Variants in TCERG1L observed in about 807,000 individuals in gnomAD.
TCERG1L encodes the protein transcription elongation regulator 1 like, also known as transcription elongation regulator 1-like protein.
TCERG1L carries 37 observed loss-of-function variants against 56.3 expected under a neutral mutation model. The observed-to-expected ratio is 0.66, with a 90% CI of 0.51 to 0.87. TCERG1L has a LOEUF of 0.87. Among genes scored for constraint, TCERG1L ranks in the 40% least tolerant of loss-of-function variants. The pLI is 0.00. For missense variants in TCERG1L, 799 were observed against 774.2 expected (o/e 1.03, Z -0.38); for synonymous variants, 324 against 326.3 (o/e 0.99, Z 0.08).
At chr10:131,253,139 A>C (rs943249607) in intron 4 of TCERG1L, among the ~76,000 whole-genome samples, 1 of 152,186 alleles carries the variant, frequency 6.6e-6, no homozygotes, top group Non-Finnish European at 1.5e-5. Flanking sequence ...ACCCAGCTGA[A>C]GTTAGCCAGT....
intron 3 of TCERG1L, among the ~76,000 whole-genome samples, chr10:131,293,068 C>G (rs773614300): frequency 6.6e-6 from 1 of 152,156 alleles, no homozygotes; most frequent in Non-Finnish European, 1.5e-5. Flanking sequence ...CCAGGCTGGT[C>G]TCAAACTCCT....
At chr10:131,117,002 T>C in intron 8 of TCERG1L, 68 bp from the exon 9 acceptor site, 1 of 1,525,056 alleles carries the variant, frequency 6.6e-7, no homozygotes, top group Non-Finnish European at 8.8e-7. Flanking sequence ...TTGCAACCTT[T>C]ACAAACCCTC....
chr10:131,162,700 T>G (rs1645586217), intron 6 of TCERG1L: 2 of 157,772 alleles, frequency 1.3e-5, no homozygotes, highest in African/African-American at 2.4e-5. Context: ...GTGTCTGGAG[T>G]GTGGCATATT....
chr10:131,309,196 G>C lies in TCERG1L; in HGVS notation c.446C>G (p.Pro149Arg), dbSNP rs200664174. The change falls in exon 2 of 12, where the codon CCT becomes CGT. Residue 149 changes from proline (P) to arginine (R), a missense_variant. Pro to Arg is a moderately radical substitution (Grantham distance 103). Coordinates refer to ENST00000368642, the MANE Select transcript of TCERG1L (RefSeq NM_174937.4). ...PHLCPSALAT[P>R]IGKSWIDKRI... ...TTTGTCTATCCAACTTTTCCCAATA[G>C]GGGTTGCAAGAGCAGAAGGGCAGAG... 9.3e-6 allele frequency: 15 copies of C among 1,610,792 alleles called. No homozygotes were observed. The East Asian group carries it at 3.4e-4, about 36-fold the overall frequency.
chr10:131,243,901 T>C (rs750089975), intron 4 of TCERG1L, among the ~76,000 whole-genome samples: 3 of 152,180 alleles, frequency 2.0e-5, no homozygotes, highest in African/African-American at 4.8e-5. Context: ...CCAGCTCAAA[T>C]TGGAGATTCA....
chr10:131,303,571 G>A (rs35405395), intron 3 of TCERG1L, among the ~76,000 whole-genome samples: 12,104 of 151,958 alleles, frequency 0.08, 635 homozygotes, highest in South Asian at 0.22. Context: ...TTCCATTCAC[G>A]AAATCTGTGT....
At chr10:131,197,495 A>C (rs976212626) in intron 4 of TCERG1L, among the ~76,000 whole-genome samples, 5 of 150,728 alleles carry the variant, frequency 3.3e-5, no homozygotes, top group Non-Finnish European at 5.9e-5. Flanking sequence ...TTTCTCCTCC[A>C]TTTTTTTTTC....
intron 3 of TCERG1L, among the ~76,000 whole-genome samples, chr10:131,293,488 C>G (rs1589775476): frequency 6.6e-6 from 1 of 152,064 alleles, no homozygotes; most frequent in East Asian, 1.9e-4. Flanking sequence ...CCTCCCCGAC[C>G]AGAGACATGC....
chr10:131,112,807 C>T (rs1195891311), intron 9 of TCERG1L, among the ~76,000 whole-genome samples: 2 of 142,500 alleles, frequency 1.4e-5, no homozygotes, highest in African/African-American at 4.9e-5. Context: ...GAGGGTGGGC[C>T]GTGGGGTGAG....
chr10:131,191,558 T>C (rs1183630271), intron 4 of TCERG1L, among the ~76,000 whole-genome samples: 5 of 143,130 alleles, frequency 3.5e-5, no homozygotes, highest in Non-Finnish European at 6.1e-5. Flanking sequence ...TGGAACAGAA[T>C]AGACAACTCA....
At chr10:131,170,001 A>C (rs1564806578) in intron 4 of TCERG1L, among the ~76,000 whole-genome samples, 1 of 152,122 alleles carries the variant, frequency 6.6e-6, no homozygotes, top group Non-Finnish European at 1.5e-5. Flanking sequence ...GTTCCTCATG[A>C]GTGCTTCTTA....
chr10:131,282,558 T>A (rs74233338), intron 3 of TCERG1L, among the ~76,000 whole-genome samples: 11,266 of 152,222 alleles, frequency 0.074, 522 homozygotes, highest in African/African-American at 0.12. Context: ...CAAGTTAATA[T>A]ACTAAAATGT....
At chr10:131,195,944 G>A (rs1258918749) in intron 4 of TCERG1L, among the ~76,000 whole-genome samples, 2 of 152,220 alleles carry the variant, frequency 1.3e-5, no homozygotes, top group Non-Finnish European at 2.9e-5. Context: ...ACAGGATGCG[G>A]GAAGCTGGTC....
chr10:131,129,735 G>A (rs1589723258), intron 8 of TCERG1L, among the ~76,000 whole-genome samples: 1 of 152,118 alleles, frequency 6.6e-6, no homozygotes, highest in East Asian at 1.9e-4. Context: ...TGTTGTATTA[G>A]TTCATTCTCA....
In TCERG1L at chr10:131,120,263, C is replaced by T. The variant is rs1485549111; in HGVS notation, c.1260-3329G>A. ...GATTTTGCCCATGTGCAGAGGGCAG[C>T]ACATTATCCGGTAAAATGCACAAAT... On this transcript the variant is annotated intron_variant, in intron 8 of 11. Coordinates refer to ENST00000368642, the MANE Select transcript of TCERG1L (RefSeq NM_174937.4). Among the ~76,000 whole-genome samples, 3 of 152,178 alleles carry T rather than the reference C, an allele frequency of 2.0e-5. No homozygotes were observed. In the East Asian group the frequency reaches 5.8e-4, roughly 29 times the overall value.
At chr10:131,129,621 A>G (rs1453320844) in intron 8 of TCERG1L, among the ~76,000 whole-genome samples, 1 of 152,214 alleles carries the variant, frequency 6.6e-6, no homozygotes, top group Admixed American at 6.5e-5. Context: ...GCAGCTAAGC[A>G]CACACTGGAC....
chr10:131,221,102 G>A (rs1285704165), intron 4 of TCERG1L, among the ~76,000 whole-genome samples: 3 of 152,222 alleles, frequency 2.0e-5, no homozygotes, highest in Admixed American at 1.3e-4. Flanking sequence ...GGTCACTGAG[G>A]TGGCCCCCAC....
Position 131,311,273 on chromosome 10 carries a change from G to A in TCERG1L, c.342+21C>T, listed in dbSNP as rs1199922152. The A allele has an allele frequency of 5.8e-6, 7 of 1,199,112 alleles. No homozygotes were observed. The Admixed American group carries it at 1.3e-4, about 23-fold the overall frequency. 74.3% of individuals were successfully genotyped at this position (1,199,112 alleles called of 1,614,324 possible). On this transcript the variant is annotated intron_variant, in intron 1 of 11. Transcript: ENST00000368642. The surrounding 1 kb of genome is among the most constrained non-coding windows in gnomAD (Gnocchi z 4.0). ...CAGGGGAGACGGCGACCCGGGCCGA[G>A]GCGGGACGGGGACACGTTACCTGCC... is the stretch of plus-strand genomic sequence containing the variant.
chr10:131,303,289 T>C (rs1846786128), intron 3 of TCERG1L, among the ~76,000 whole-genome samples: 1 of 152,104 alleles, frequency 6.6e-6, no homozygotes, highest in South Asian at 2.1e-4. Flanking sequence ...CCAGCATCTG[T>C]TATTTCCTGA....
Sources: allele counts gnomAD v4.1 joint callset (sites outside exome capture counted in the v4.1 genomes callset), GRCh38; gene constraint gnomAD v4.1.1; non-coding constraint Gnocchi (gnomAD v3.1); transcripts MANE v1.5; gene names NCBI Gene and HGNC (gene_info 2026-07-23, HGNC 2026-07-21).